The following CDKL3 variants were observed in gnomAD, a reference collection of about 807,000 sequenced individuals.
The protein encoded by CDKL3 is cyclin dependent kinase like 3.
A neutral mutation model predicts 69.3 loss-of-function variants in CDKL3; 65 were observed. That is an observed-to-expected ratio of 0.94 (90% CI 0.77 to 1.15). CDKL3 has a LOEUF of 1.15. Among genes scored for constraint, CDKL3 ranks in the 50% most tolerant of loss-of-function variants. CDKL3 has a pLI of 0.00. For missense variants in CDKL3, 652 were observed against 689.2 expected (o/e 0.95, Z 0.61); for synonymous variants, 202 against 221.6 (o/e 0.91, Z 0.79).
At chr5:134,315,132 A>G (rs1770657341) in intron 6 of CDKL3, among the ~76,000 whole-genome samples, 1 of 152,166 alleles carries the variant, frequency 6.6e-6, no homozygotes, top group Admixed American at 6.5e-5. Context: ...AAATCAATGG[A>G]ACAGAAACAA....
downstream of CDKL3, among the ~76,000 whole-genome samples, chr5:134,295,538 A>G (rs1275673559): frequency 1.3e-5 from 2 of 152,216 alleles, no homozygotes; most frequent in Non-Finnish European, 2.9e-5. Flanking sequence ...AGGAGCAATT[A>G]CTTTTGCACC....
chr5:134,326,400 A>G (rs1473234747), intron 4 of CDKL3, among the ~76,000 whole-genome samples: 2 of 152,106 alleles, frequency 1.3e-5, no homozygotes, highest in African/African-American at 4.8e-5. Flanking sequence ...CTTCACTTCA[A>G]CCACAACATT....
At chr5:134,296,839 A>G (rs1433834862), downstream of CDKL3, among the ~76,000 whole-genome samples, 2 of 151,396 alleles carry the variant, frequency 1.3e-5, no homozygotes, top group South Asian at 2.1e-4. Flanking sequence ...ACGGATCTCT[A>G]TTCATTCAGA....
intron 8 of CDKL3, among the ~76,000 whole-genome samples, chr5:134,286,796 A>T (rs1447669992): frequency 2.6e-5 from 4 of 152,128 alleles, no homozygotes; most frequent in Non-Finnish European, 5.9e-5. Context: ...CCCATGATTC[A>T]ATTACCTCCC....
At chr5:134,285,749 C>A (rs1040812094), downstream of CDKL3, among the ~76,000 whole-genome samples, 1 of 152,222 alleles carries the variant, frequency 6.6e-6, no homozygotes, top group African/African-American at 2.4e-5. Flanking sequence ...ATTTTCTGAA[C>A]TTTTATGCTT....
intron 3 of CDKL3, among the ~76,000 whole-genome samples, chr5:134,356,823 T>C (rs544752153): frequency 1.3e-5 from 2 of 152,090 alleles, no homozygotes; most frequent in Non-Finnish European, 2.9e-5. Flanking sequence ...TAAAAACTCT[T>C]ATCTCACAAT....
At chr5:134,338,686 ACT>A (rs1777672491) in intron 4 of CDKL3, among the ~76,000 whole-genome samples, 1 of 152,066 alleles carries the variant, frequency 6.6e-6, no homozygotes, top group Non-Finnish European at 1.5e-5. Context: ...ACAGAGTGAG[ACT>A]CTATCTCAAA....
At chr5:134,347,449 G>A (rs987491059) in intron 4 of CDKL3, among the ~76,000 whole-genome samples, 11 of 151,850 alleles carry the variant, frequency 7.2e-5, no homozygotes, top group Admixed American at 4.6e-4. Flanking sequence ...CAAGTTACAC[G>A]GACACCCATA....
At chr5:134,341,590 C>T (rs772211605) in intron 4 of CDKL3, among the ~76,000 whole-genome samples, 33 of 152,190 alleles carry the variant, frequency 2.2e-4, no homozygotes, top group Non-Finnish European at 4.3e-4. Context: ...AAATCATTTT[C>T]TTTTCTAACA....
chr5:134,339,534 G>GA (rs1197729784), intron 4 of CDKL3, among the ~76,000 whole-genome samples: 1 of 152,026 alleles, frequency 6.6e-6, no homozygotes, highest in East Asian at 1.9e-4. Context: ...ATCAAGAAGA[G>GA]AAAATATGAA....
intron 12 of CDKL3, among the ~76,000 whole-genome samples, chr5:134,301,888 AAAAC>A (rs113592653): frequency 0.14 from 21,194 of 151,474 alleles, 1,797 homozygotes; most frequent in African/African-American, 0.23. Context: ...CTCCGTCTCA[AAAAC>A]AAACAAACAA....
At chr5:134,341,959 C>T (rs1374254834) in intron 4 of CDKL3, among the ~76,000 whole-genome samples, 1 of 152,196 alleles carries the variant, frequency 6.6e-6, no homozygotes, top group Non-Finnish European at 1.5e-5. Context: ...CCAGATTTTG[C>T]TTTAGGAGGC....
chr5:134,350,487 C>A, intron 3 of CDKL3, 60 bp from the exon 4 acceptor site: 2 of 1,174,036 alleles, frequency 1.7e-6, no homozygotes, highest in East Asian at 2.6e-5. Flanking sequence ...CAGAATCTCT[C>A]AAAAATTATA....
intron 6 of CDKL3, among the ~76,000 whole-genome samples, chr5:134,313,895 T>TG (rs2149462487): frequency 6.6e-6 from 1 of 151,976 alleles, no homozygotes; most frequent in South Asian, 2.1e-4. Flanking sequence ...CCCAGCACTT[T>TG]GGGGGGCAAC....
intron 12 of CDKL3, among the ~76,000 whole-genome samples, chr5:134,301,319 A>C (rs1277351473): frequency 6.6e-6 from 1 of 152,082 alleles, no homozygotes; most frequent in East Asian, 1.9e-4. Flanking sequence ...TTGTTCTACA[A>C]CATTTCTTCT....
intron 4 of CDKL3, among the ~76,000 whole-genome samples, chr5:134,345,995 T>C (rs1314272055): frequency 1.3e-5 from 2 of 152,092 alleles, no homozygotes. Flanking sequence ...AGAAACAAAA[T>C]CTCTCTGACC....
chr5:134,360,167 G>T (rs955818189), intron 2 of CDKL3, 76 bp from the exon 3 acceptor site: 2 of 986,254 alleles, frequency 2.0e-6, no homozygotes, highest in African/African-American at 3.3e-5. Flanking sequence ...TGTAAATTTT[G>T]TAAAGAAACA....
At chr5:134,367,368 CTTTTTTTTTT>C, upstream of CDKL3, 2 of 779,788 alleles carry the variant, frequency 2.6e-6, no homozygotes, top group Non-Finnish European at 1.5e-6. Context: ...GGATCTGCAT[CTTTTTTTTTT>C]TTTTTTTTTT....
chr5:134,330,022 TTAA>T (rs1045054734), intron 4 of CDKL3, among the ~76,000 whole-genome samples: 5 of 149,470 alleles, frequency 3.3e-5, no homozygotes, highest in South Asian at 4.2e-4. Context: ...AAAAAAAAAA[TTAA>T]TAATAATAAT....
Sources: gnomAD v4.1 joint callset for allele counts (sites outside exome capture counted in the v4.1 genomes callset) on GRCh38, gnomAD v4.1.1 for gene constraint, MANE v1.5 for transcripts, NCBI Gene and HGNC (gene_info 2026-07-23, HGNC 2026-07-21) for gene names.